The following ZNF343 variants were observed in gnomAD, a reference collection of about 807,000 sequenced individuals.
The protein encoded by ZNF343 is zinc finger protein 343.
Under a neutral mutation model 13.8 loss-of-function variants are expected in ZNF343, and 11 were observed. The observed-to-expected ratio is 0.80, with a 90% CI of 0.50 to 1.32. The LOEUF is 1.32. Among genes scored for constraint, ZNF343 ranks in the 40% most tolerant of loss-of-function variants. The pLI is 0.00. For missense variants in ZNF343, 658 were observed against 714.2 expected (o/e 0.92, Z 0.90); for synonymous variants, 248 against 260.0 (o/e 0.95, Z 0.44).
chr20:2,505,970 C>T (rs1005615797), intron 1 of ZNF343, among the ~76,000 whole-genome samples: 1 of 152,092 alleles, frequency 6.6e-6, no homozygotes, highest in African/African-American at 2.4e-5. Context: ...AGAGCTTTTG[C>T]ACAGCAAAAG....
At chr20:2,521,627 G>A (rs941970490) in intron 1 of ZNF343, among the ~76,000 whole-genome samples, 2 of 152,200 alleles carry the variant, frequency 1.3e-5, no homozygotes, top group Non-Finnish European at 2.9e-5. Flanking sequence ...CAGAATTGGG[G>A]CTCAGCCTCC....
At chr20:2,515,300 G>T (rs1021279170) in intron 1 of ZNF343, among the ~76,000 whole-genome samples, 4 of 151,740 alleles carry the variant, frequency 2.6e-5, no homozygotes, top group East Asian at 1.9e-4. Context: ...TCCCATATTG[G>T]TTTTTTTCTT....
intron 1 of ZNF343, among the ~76,000 whole-genome samples, chr20:2,503,858 G>A (rs2085610778): frequency 6.6e-6 from 1 of 151,920 alleles, no homozygotes; most frequent in South Asian, 2.1e-4. Context: ...GAGAAAGCAG[G>A]AAAAATCTAA....
intron 2 of ZNF343, among the ~76,000 whole-genome samples, chr20:2,497,529 A>C (rs2085480678): frequency 6.6e-6 from 1 of 152,204 alleles, no homozygotes; most frequent in South Asian, 2.1e-4. Context: ...AGACAGAGTA[A>C]AATAAAGACT....
upstream of ZNF343, among the ~76,000 whole-genome samples, chr20:2,511,907 G>A (rs1304944183): frequency 6.6e-6 from 1 of 152,032 alleles, no homozygotes; most frequent in Non-Finnish European, 1.5e-5. Flanking sequence ...TGTACTGGAA[G>A]GTCTATTTAT....
Position 2,484,465 on chromosome 20 carries a change from C to G in ZNF343, c.496G>C (p.Glu166Gln). 5 of 1,614,214 alleles carry G rather than the reference C, an allele frequency of 3.1e-6. No individual in the cohort carries two copies. The highest frequency in any genetic ancestry group is 4.2e-6 in the Non-Finnish European group (5 of 1,180,038). ...QQYSHVSCWF[E>Q]NAEGQERGGG... The stretch of plus-strand genomic sequence containing the variant: ...CCTCTCTCCTGACCTTCTGCATTTT[C>G]AAACCAACAGCTTACATGGGAATAC... Residue 166 changes from glutamate (E) to glutamine (Q), a missense_variant, in exon 6 of 6, where the codon GAA becomes CAA. Glu to Gln is a conservative substitution (Grantham distance 29, BLOSUM62 2). Coordinates refer to ENST00000278772, the MANE Select transcript of ZNF343 (RefSeq NM_024325.6).
Position 2,483,164 on chromosome 20 carries a change from G to A in ZNF343, c.1797C>T (p.His599=), listed in dbSNP as rs760363229. The part of the protein sequence containing the change: ...KSNLIRHQRT[H] ...CTGCATACACAGGTTTCTCCCGTCA[G>A]TGTGTCCTCTGGTGTCTGATGAGAT... Residue 599 remains histidine (H), a synonymous_variant, in exon 6 of 6, where the codon CAC becomes CAT. Transcript: ENST00000278772. The A allele has an allele frequency of 6.2e-6, 10 of 1,604,232 alleles. No individual in the cohort carries two copies. The East Asian group carries it at 2.0e-4, about 32-fold the overall frequency.
chr20:2,493,869 C>T lies in ZNF343; in HGVS notation c.27G>A (p.Leu9=), dbSNP rs997574852. MMLPYPSA[L]GDQYWEEILL... ...AAATCTCTTCCCAGTATTGATCTCC[C>T]AGTGCTGAAGGATAAGGCAACATCA... Residue 9 remains leucine (L), a synonymous_variant, in exon 3 of 6, where the codon CTG becomes CTA. Transcript: ENST00000278772. The T allele has an allele frequency of 6.2e-7, 1 of 1,613,832 alleles. No individual in the cohort carries two copies. The highest frequency in any genetic ancestry group is 8.5e-7 in the Non-Finnish European group (1 of 1,179,878).
chr20:2,485,328 G>A (rs1053956838), intron 5 of ZNF343, among the ~76,000 whole-genome samples: 5 of 152,094 alleles, frequency 3.3e-5, no homozygotes, highest in African/African-American at 1.2e-4. Context: ...TCATAAATCA[G>A]TAAAAAGAAA....
rs1185454613 is a variant in ZNF343, at chr20:2,493,884, A to C, written c.12T>G (p.Pro4=). 3 of 1,612,396 alleles carry C rather than the reference A, an allele frequency of 1.9e-6. No individual in the cohort carries two copies. In the African/African-American group the frequency reaches 4.0e-5, roughly 22 times the overall value. ...ATTGATCTCCCAGTGCTGAAGGATAAGGCAACATCATGGCGCCAGAGTCAG... is the reference window on the plus strand; with the variant it reads ...ATTGATCTCCCAGTGCTGAAGGATACGGCAACATCATGGCGCCAGAGTCAG... The part of the protein sequence containing the change: MML[P]YPSALGDQYW... Residue 4 remains proline (P), a synonymous_variant, in exon 3 of 6, where the codon CCT becomes CCG. Transcript: ENST00000278772.
chr20:2,506,983 G>A (rs1317491438), intron 1 of ZNF343, among the ~76,000 whole-genome samples: 6 of 151,880 alleles, frequency 4.0e-5, no homozygotes, highest in Non-Finnish European at 1.5e-5. Context: ...GAGTGGGCCA[G>A]CCGGGAGCGG....
intron 2 of ZNF343, among the ~76,000 whole-genome samples, chr20:2,494,792 A>G (rs2085431068): frequency 6.6e-6 from 1 of 150,518 alleles, no homozygotes; most frequent in Admixed American, 6.6e-5. Context: ...AAAAATCCCT[A>G]TGTCCCTGTA....
intron 2 of ZNF343, among the ~76,000 whole-genome samples, chr20:2,499,420 C>G (rs113748307): frequency 9.7e-6 from 1 of 103,202 alleles, no homozygotes; most frequent in Middle Eastern, 4.2e-3. Flanking sequence ...AGCCGAGATC[C>G]CGCCACTGCA....
At position 2,488,174 on chromosome 20, in the gene ZNF343, A is replaced by G. The variant is rs1407569575; in HGVS notation, c.305-3518T>C. ...TTCCCTTCTAGGCATCTGGATTTTT[A>G]GCCAAATTTAGAAAACCTTTTCCTG... On this transcript the variant is annotated intron_variant, in intron 5 of 5. Coordinates refer to ENST00000278772, the MANE Select transcript of ZNF343 (RefSeq NM_024325.6). 3.3e-5 allele frequency among the ~76,000 whole-genome samples: 5 copies of G among 152,116 alleles called. No homozygotes were observed. In the East Asian group the frequency reaches 9.6e-4, roughly 29 times the overall value.
intron 1 of ZNF343, among the ~76,000 whole-genome samples, chr20:2,506,145 G>T (rs2085651926): frequency 6.6e-6 from 1 of 152,270 alleles, no homozygotes; most frequent in South Asian, 2.1e-4. Flanking sequence ...GATATGAACA[G>T]ACACTTCTCA....
At position 2,483,068 on chromosome 20, in the gene ZNF343, G is replaced by A; in HGVS notation, c.*93C>T. 1 of 1,410,420 alleles carries A rather than the reference G, an allele frequency of 7.1e-7. No individual in the cohort carries two copies. Among genetic ancestry groups the A allele is most frequent in the East Asian group, 2.3e-5 (1 of 42,882 alleles). The allele number at this position is 1,410,420 out of a possible 1,614,324, so 87.4% of individuals were successfully genotyped here. ...CTTCACTCACAATCTGTGTACACAG[G>A]GTCTACTCCCCATGTGTCTCTCTGG... On this transcript the variant is annotated 3_prime_UTR_variant, in exon 6 of 6. Transcript: ENST00000278772.
intron 5 of ZNF343, among the ~76,000 whole-genome samples, chr20:2,490,526 T>G (rs1181009927): frequency 6.6e-6 from 1 of 150,856 alleles, no homozygotes; most frequent in Non-Finnish European, 1.5e-5. Flanking sequence ...GTTTTATGGG[T>G]CTTTTTTTTG....
intron 2 of ZNF343, among the ~76,000 whole-genome samples, chr20:2,496,135 T>C (rs1310166024): frequency 6.6e-6 from 1 of 152,172 alleles, no homozygotes; most frequent in Non-Finnish European, 1.5e-5. Flanking sequence ...CAGACGGAGA[T>C]AAGTACTGAG....
chr20:2,500,067 A>T (rs1263713211), intron 2 of ZNF343, among the ~76,000 whole-genome samples: 1 of 151,434 alleles, frequency 6.6e-6, no homozygotes, highest in Admixed American at 6.6e-5. Flanking sequence ...AAATTATGTG[A>T]TGTCTGGGAT....
Sources: gnomAD v4.1 joint callset for allele counts (sites outside exome capture counted in the v4.1 genomes callset) on GRCh38, gnomAD v4.1.1 for gene constraint, MANE v1.5 for transcripts, NCBI Gene and HGNC (gene_info 2026-07-23, HGNC 2026-07-21) for gene names.